CCDC187: variants seen among roughly 807,000 people sequenced by gnomAD.
The protein encoded by CCDC187 is coiled-coil domain-containing protein 187.
In CCDC187, 32 loss-of-function variants were observed where a neutral mutation model predicts 38.0. That is an observed-to-expected ratio of 0.84 (90% CI 0.64 to 1.13). The LOEUF is 1.13. Among genes scored for constraint, CCDC187 ranks in the 50% most tolerant of loss-of-function variants. CCDC187 has a pLI of 0.00. For synonymous variants in CCDC187, 333 were observed against 347.9 expected (o/e 0.96, Z 0.48); for missense variants, 707 against 786.8 (o/e 0.90, Z 1.21).
At chr9:136,301,981 G>C (rs1392506245) in intron 2 of CCDC187, among the ~76,000 whole-genome samples, 1 of 152,046 alleles carries the variant, frequency 6.6e-6, no homozygotes, top group African/African-American at 2.4e-5. Context: ...GGAGGCCGAG[G>C]TGGGCGGATC....
At chr9:136,283,952 C>G (rs1831109247) in intron 9 of CCDC187, among the ~76,000 whole-genome samples, 1 of 152,156 alleles carries the variant, frequency 6.6e-6, no homozygotes, top group Non-Finnish European at 1.5e-5. Context: ...TGGGCCTGGG[C>G]AGCAGGTGGG....
chr9:136,282,758 C>T (rs1432298704), intron 9 of CCDC187, among the ~76,000 whole-genome samples: 1 of 152,252 alleles, frequency 6.6e-6, no homozygotes, highest in African/African-American at 2.4e-5. Flanking sequence ...GGTGACCCAC[C>T]TCCCAACCCC....
In CCDC187 at chr9:136,286,141, C is replaced by A. The variant is rs1831173815; in HGVS notation, c.2777G>T (p.Ser926Ile). 4 of 398,602 alleles carry A rather than the reference C, an allele frequency of 1.0e-5. No homozygotes were observed. Among genetic ancestry groups the A allele is most frequent in the Non-Finnish European group, 1.8e-5 (4 of 226,022 alleles). The allele number at this position is 398,602 out of a possible 1,614,324, so 24.7% of individuals were successfully genotyped here. A position where few individuals can be genotyped will look rare whatever the true frequency, so the allele number is the denominator to read the frequency against. Reference protein sequence around the residue: ...LDGETLSWGPSWEQQQSVSPR... With the variant: ...LDGETLSWGPIWEQQQSVSPR... ...GCTCACACTCTGCTGTTGCTCCCAGCTGGGGCCCCACGACAGTGTCTCGCC... is the reference window on the plus strand; with the variant it reads ...GCTCACACTCTGCTGTTGCTCCCAGATGGGGCCCCACGACAGTGTCTCGCC... The change falls in exon 8 of 26, where the codon AGC (serine) becomes ATC (isoleucine). Residue 926 changes from serine to isoleucine, a missense_variant. Physicochemically the swap from Ser to Ile is moderately radical, Grantham distance 142. Coordinates refer to ENST00000638797, the MANE Select transcript of CCDC187 (RefSeq NM_001378188.1).
At chr9:136,265,211 T>G (rs893348299) in intron 17 of CCDC187, among the ~76,000 whole-genome samples, 10 of 152,214 alleles carry the variant, frequency 6.6e-5, no homozygotes, top group Non-Finnish European at 1.0e-4. Context: ...GCTCTCAGGC[T>G]TGCCCCTCAG....
intron 9 of CCDC187, among the ~76,000 whole-genome samples, chr9:136,285,298 C>T (rs934504960): frequency 3.9e-5 from 6 of 152,138 alleles, no homozygotes; most frequent in African/African-American, 7.2e-5. Context: ...GTGTCTGACG[C>T]GGGGCTTCCC....
In CCDC187 at chr9:136,258,321, C is replaced by T. The variant is rs1254786037; in HGVS notation, c.4366+611G>A. 6.6e-6 allele frequency among the ~76,000 whole-genome samples: 1 copy of T among 152,152 alleles called. No homozygotes were observed. The highest frequency in any genetic ancestry group is 1.5e-5 in the Non-Finnish European group (1 of 67,998). On this transcript the variant is annotated intron_variant, in intron 22 of 25. Transcript: ENST00000638797. This position sits in a 1 kb window ranked among gnomAD's most constrained non-coding sequence, Gnocchi z 4.3. ...GCAGGGACCCCCCAGTCTATGCCAC[C>T]CCCCTTGGGTGGCATAGTCTCCCTG...
intron 25 of CCDC187, 80 bp downstream of exon 25, chr9:136,255,577 G>T: frequency 1.7e-6 from 1 of 599,620 alleles, no homozygotes; most frequent in Non-Finnish European, 2.1e-6. Flanking sequence ...GGGAGAAGCT[G>T]GCTCTGATGT....
intron 10 of CCDC187, chr9:136,281,183 G>A (rs1022870253): frequency 0.12 from 43,703 of 364,728 alleles, 3,082 homozygotes; most frequent in Admixed American, 0.2. Context: ...GGCACTGCTC[G>A]TTGGAAACCC....
chr9:136,252,645 C>T lies in CCDC187; in HGVS notation c.*949G>A, dbSNP rs560380426. The T allele has an allele frequency of 6.3e-6, 1 of 158,576 alleles. No individual in the cohort carries two copies. The highest frequency in any genetic ancestry group is 1.6e-4 in the South Asian group (1 of 6,268). The allele number at this position is 158,576 out of a possible 1,614,324, so 9.8% of individuals were successfully genotyped here. A position where few individuals can be genotyped will look rare whatever the true frequency, so the allele number is the denominator to read the frequency against. ...CTCCCACGTGTGCATGTGTATGCCACACACAGCTCACAATGACATTGTGGA... is the reference window on the plus strand; with the variant it reads ...CTCCCACGTGTGCATGTGTATGCCATACACAGCTCACAATGACATTGTGGA... On this transcript the variant is annotated 3_prime_UTR_variant, in exon 26 of 26. Transcript: ENST00000638797.
At position 136,255,070 on chromosome 9, in the gene CCDC187, G is replaced by A. The variant is rs34091955; in HGVS notation, c.4758C>T (p.Pro1586=). The A allele has an allele frequency of 0.61, 599,060 of 985,176 alleles. 183,900 individuals are homozygous for A. Among genetic ancestry groups the A allele is most frequent in the Non-Finnish European group, 0.63 (519,893 of 829,924 alleles). 61.0% of individuals were successfully genotyped at this position (985,176 alleles called of 1,614,324 possible). The change falls in exon 26 of 26, where the codon CCC becomes CCT. Residue 1586 remains proline (P), a synonymous_variant. Transcript: ENST00000638797. ...AGCCTGGACCGCAGGAGGAGGTGGTGGGGAGAAGGGGACTGCCCTGGTGCA... is the reference window on the plus strand; with the variant it reads ...AGCCTGGACCGCAGGAGGAGGTGGTAGGGAGAAGGGGACTGCCCTGGTGCA... ...PILHQGSPLL[P]TTSSCGPGSE...
chr9:136,297,882 G>A, intron 3 of CCDC187, 61 bp from the exon 4 acceptor site: 1 of 395,550 alleles, frequency 2.5e-6, no homozygotes, highest in Admixed American at 4.4e-5. Context: ...TGACACACGG[G>A]CCCCCCACGT....
In CCDC187 at chr9:136,277,762, A is replaced by G. The variant is rs1467267028; in HGVS notation, c.3041-1035T>C. Among the ~76,000 whole-genome samples the G allele has an allele frequency of 1.1e-4, 17 of 152,178 alleles. No homozygotes were observed. The East Asian group carries it at 2.9e-3, about 26-fold the overall frequency. On this transcript the variant is annotated intron_variant, in intron 10 of 25. Coordinates refer to ENST00000638797, the MANE Select transcript of CCDC187 (RefSeq NM_001378188.1). ...CTGCCACCAGGAGGTGCTGCATGCAATGGGGTCTGCAGATGGTGGGGCCCT... is the reference window on the plus strand; with the variant it reads ...CTGCCACCAGGAGGTGCTGCATGCAGTGGGGTCTGCAGATGGTGGGGCCCT...
At chr9:136,284,460 C>T (rs975038101) in intron 9 of CCDC187, among the ~76,000 whole-genome samples, 10 of 152,162 alleles carry the variant, frequency 6.6e-5, no homozygotes, top group Non-Finnish European at 1.2e-4. Context: ...TTTTCGAGCC[C>T]GGGTTCCGGG....
rs1476186891 is a variant in CCDC187, at chr9:136,281,565, G to C, written c.3026C>G (p.Thr1009Ser). 4 of 398,478 alleles carry C rather than the reference G, an allele frequency of 1.0e-5. No homozygotes were observed. Among genetic ancestry groups the C allele is most frequent in the Non-Finnish European group, 1.8e-5 (4 of 226,068 alleles). 24.7% of individuals were successfully genotyped at this position (398,478 alleles called of 1,614,324 possible). The change falls in exon 10 of 26, where the codon ACC becomes AGC. Residue 1009 changes from threonine (T) to serine (S), a missense_variant. By Grantham distance (58) the Thr-to-Ser change is moderately conservative (BLOSUM62 1). Transcript: ENST00000638797. ...GTCGCCCTTACCGCAGCTCCGGGGGGTGCAGGGCGCCACAGAATCTGCCCC... is the reference window on the plus strand; with the variant it reads ...GTCGCCCTTACCGCAGCTCCGGGGGCTGCAGGGCGCCACAGAATCTGCCCC... ...VGGADSVAPCTPRSCGQQEDP... is the reference protein window; with the variant it reads ...VGGADSVAPCSPRSCGQQEDP...
chr9:136,293,404 A>ACATACTC (rs1831415740), intron 4 of CCDC187, among the ~76,000 whole-genome samples: 3 of 52,978 alleles, frequency 5.7e-5, no homozygotes, highest in African/African-American at 1.5e-4. Flanking sequence ...CACACTCACA[A>ACATACTC]ACACTCACAT....
At chr9:136,295,357 G>A (rs1831510438) in intron 4 of CCDC187, among the ~76,000 whole-genome samples, 1 of 152,198 alleles carries the variant, frequency 6.6e-6, no homozygotes, top group Non-Finnish European at 1.5e-5. Context: ...TCGATAAATG[G>A]GTCCTGATGG....
chr9:136,294,099 A>AT (rs1831470408), intron 4 of CCDC187, among the ~76,000 whole-genome samples: 1 of 68,034 alleles, frequency 1.5e-5, no homozygotes. Context: ...CACGCCCTCA[A>AT]GTGCTCACAC....
In CCDC187 at chr9:136,293,377, T is replaced by TCACACTCACATGCTCACA. The variant is rs1831410990; in HGVS notation, c.833-1100_833-1083dup. On this transcript the variant is annotated intron_variant, in intron 4 of 25. Transcript: ENST00000638797. ...CACACACATTCACATGCTCACACACTCACACTCACATGCTCACACACTCAC... is the reference window on the plus strand; with the variant it reads ...CACACACATTCACATGCTCACACACTCACACTCACATGCTCACACACACTCACATGCTCACACACTCAC... Among the ~76,000 whole-genome samples the TCACACTCACATGCTCACA allele has an allele frequency of 1.9e-5, 2 of 107,876 alleles. 1 individual carries two copies. Among genetic ancestry groups the TCACACTCACATGCTCACA allele is most frequent in the Non-Finnish European group, 4.0e-5 (2 of 50,108 alleles). The allele number at this position is 107,876 out of a possible 152,430, so 70.8% of individuals were successfully genotyped here.
At chr9:136,273,342 C>T (rs1439766513) in intron 14 of CCDC187, among the ~76,000 whole-genome samples, 1 of 152,180 alleles carries the variant, frequency 6.6e-6, no homozygotes, top group Non-Finnish European at 1.5e-5. Context: ...TATCATGAAA[C>T]ACCCGTTGAA....
Sources: gnomAD v4.1 joint callset for allele counts (sites outside exome capture counted in the v4.1 genomes callset) on GRCh38, gnomAD v4.1.1 for gene constraint, Gnocchi (gnomAD v3.1) non-coding constraint, MANE v1.5 for transcripts, NCBI Gene and HGNC (gene_info 2026-07-23, HGNC 2026-07-21) for gene names.